The following SNTB2 variants were observed in gnomAD, a reference collection of about 807,000 sequenced individuals.
The protein encoded by SNTB2 is syntrophin beta 2.
A neutral mutation model predicts 46.2 loss-of-function variants in SNTB2; 34 were observed. The observed-to-expected ratio is 0.74, with a 90% CI of 0.56 to 0.98. SNTB2 has a LOEUF of 0.98. Among genes scored for constraint, SNTB2 ranks in the 50% least tolerant of loss-of-function variants. The pLI is 0.00. For synonymous variants in SNTB2, 290 were observed against 312.6 expected, an observed-to-expected ratio of 0.93 and a Z score of 0.76; for missense variants, 603 against 731.4, an observed-to-expected ratio of 0.82 and a Z score of 2.02.
intron 3 of SNTB2, among the ~76,000 whole-genome samples, chr16:69,269,710 A>G (rs1461482867): frequency 6.6e-6 from 1 of 152,174 alleles, no homozygotes; most frequent in Non-Finnish European, 1.5e-5. Flanking sequence ...TTTCTGTCCT[A>G]TGTTTAGAAG....
intron 1 of SNTB2, among the ~76,000 whole-genome samples, chr16:69,225,646 G>GA (rs1348262479): frequency 1.3e-5 from 2 of 152,200 alleles, no homozygotes; most frequent in Admixed American, 1.3e-4. Flanking sequence ...TATTTTAGGG[G>GA]ACACATGTCT....
At chr16:69,257,752 T>C (rs1964793191) in intron 2 of SNTB2, among the ~76,000 whole-genome samples, 4 of 152,176 alleles carry the variant, frequency 2.6e-5, no homozygotes, top group Admixed American at 2.6e-4. Flanking sequence ...GCCACAACTC[T>C]TATTTTATGT....
intron 4 of SNTB2, among the ~76,000 whole-genome samples, chr16:69,282,249 T>C (rs1965056731): frequency 6.8e-6 from 1 of 147,208 alleles, no homozygotes; most frequent in African/African-American, 2.5e-5. Context: ...TCACCTGAGG[T>C]CAGGAGTTTA....
intron 5 of SNTB2, among the ~76,000 whole-genome samples, chr16:69,293,903 A>T (rs985924962): frequency 6.6e-6 from 1 of 152,234 alleles, no homozygotes; most frequent in Non-Finnish European, 1.5e-5. Flanking sequence ...TGAAGTGGGC[A>T]GTGCCTTTTA....
At chr16:69,216,125 A>G (rs1383025388) in intron 1 of SNTB2, among the ~76,000 whole-genome samples, 1 of 152,162 alleles carries the variant, frequency 6.6e-6, no homozygotes, top group African/African-American at 2.4e-5. Context: ...CCCATTATGT[A>G]TATAAGATAA....
chr16:69,246,738 C>A (rs1456988812), intron 2 of SNTB2, among the ~76,000 whole-genome samples: 4 of 147,390 alleles, frequency 2.7e-5, no homozygotes, highest in African/African-American at 1.0e-4. Context: ...ACAATTTCAG[C>A]TCCTGTTATT....
intron 6 of SNTB2, among the ~76,000 whole-genome samples, chr16:69,300,257 T>C (rs1965266187): frequency 6.6e-6 from 1 of 151,626 alleles, no homozygotes. Context: ...TTTTCTTTTT[T>C]TTTTCTTTTT....
intron 1 of SNTB2, among the ~76,000 whole-genome samples, chr16:69,208,683 C>G (rs1047929467): frequency 6.6e-6 from 1 of 151,790 alleles, no homozygotes; most frequent in African/African-American, 2.4e-5. Context: ...TTAACAAAAC[C>G]TTGCTTATTT....
intron 3 of SNTB2, among the ~76,000 whole-genome samples, chr16:69,268,742 A>G (rs1014364292): frequency 4.0e-5 from 6 of 148,890 alleles, no homozygotes; most frequent in African/African-American, 1.2e-4. Context: ...GCATGCACCT[A>G]TTGTCCCAGC....
chr16:69,194,905 A>T (rs1229299977), intron 1 of SNTB2, among the ~76,000 whole-genome samples: 1 of 152,258 alleles, frequency 6.6e-6, no homozygotes, highest in Non-Finnish European at 1.5e-5. Context: ...TTAAAGGAGA[A>T]ACCACCATAT....
intron 3 of SNTB2, among the ~76,000 whole-genome samples, chr16:69,261,949 C>T (rs1964838763): frequency 1.3e-5 from 2 of 152,122 alleles, no homozygotes; most frequent in Non-Finnish European, 2.9e-5. Context: ...TGGCTCATAC[C>T]TGTAAAACCA....
chr16:69,243,546 T>A (rs935611119), intron 1 of SNTB2, among the ~76,000 whole-genome samples: 2 of 152,238 alleles, frequency 1.3e-5, no homozygotes, highest in African/African-American at 4.8e-5. Flanking sequence ...TTCTAACCAC[T>A]ATATTATTCA....
chr16:69,300,540 G>A (rs528976415), intron 6 of SNTB2, among the ~76,000 whole-genome samples: 163 of 152,242 alleles, frequency 1.1e-3, no homozygotes, highest in Middle Eastern at 3.4e-3. Flanking sequence ...GTGAGCCACC[G>A]TGCCTGGCCT....
chr16:69,197,176 CT>C (rs1964113918), intron 1 of SNTB2, among the ~76,000 whole-genome samples: 1 of 152,184 alleles, frequency 6.6e-6, no homozygotes, highest in African/African-American at 2.4e-5. Context: ...TACTAATAAA[CT>C]GCACATAAGT....
At chr16:69,266,720 CT>C (rs1964889138) in intron 3 of SNTB2, among the ~76,000 whole-genome samples, 1 of 152,046 alleles carries the variant, frequency 6.6e-6, no homozygotes, top group African/African-American at 2.4e-5. Context: ...TATTTGTTTA[CT>C]TTATTTTATT....
intron 1 of SNTB2, among the ~76,000 whole-genome samples, chr16:69,189,045 G>A (rs1300698747): frequency 6.6e-6 from 1 of 152,134 alleles, no homozygotes; most frequent in Non-Finnish European, 1.5e-5. Flanking sequence ...TCGTCAAACC[G>A]AGAGGCCAGA....
At position 69,260,010 on chromosome 16, in the gene SNTB2, C is replaced by G. The variant is rs762224466; in HGVS notation, c.795-40C>G. The stretch of plus-strand genomic sequence containing the variant: ...TTAAACCTGGCAGGTTTGGTGACTT[C>G]TGTCCTAGCTCACTTTTTTTTTTTT... On this transcript the variant is annotated intron_variant, in intron 2 of 6. Coordinates refer to ENST00000336278, the MANE Select transcript of SNTB2 (RefSeq NM_006750.4). 3.9e-6 allele frequency: 6 copies of G among 1,529,138 alleles called. No homozygotes were observed. In the South Asian group the frequency reaches 6.7e-5, roughly 17 times the overall value. 94.7% of individuals were successfully genotyped at this position (1,529,138 alleles called of 1,614,324 possible).
At chr16:69,209,491 C>A (rs749009659) in intron 1 of SNTB2, among the ~76,000 whole-genome samples, 14 of 152,072 alleles carry the variant, frequency 9.2e-5, no homozygotes, top group Non-Finnish European at 1.6e-4. Context: ...AATTTGTTAT[C>A]TTGAAATACT....
At chr16:69,191,537 A>C (rs1964054203) in intron 1 of SNTB2, among the ~76,000 whole-genome samples, 1 of 121,566 alleles carries the variant, frequency 8.2e-6, no homozygotes, top group Non-Finnish European at 1.7e-5. Context: ...CAGCCTGGAC[A>C]ACAGAGCAAG....
Sources: allele counts gnomAD v4.1 joint callset (sites outside exome capture counted in the v4.1 genomes callset), GRCh38; gene constraint gnomAD v4.1.1; transcripts MANE v1.5; gene names NCBI Gene and HGNC (gene_info 2026-07-23, HGNC 2026-07-21).